MAML2: variants seen among roughly 807,000 people sequenced by gnomAD.
MAML2 encodes mastermind like transcriptional coactivator 2.
In MAML2, 22 loss-of-function variants were observed where a neutral mutation model predicts 96.1. The observed-to-expected ratio is 0.23, with a 90% CI of 0.16 to 0.33. MAML2 has a LOEUF of 0.33. Among genes scored for constraint, MAML2 ranks in the 10% least tolerant of loss-of-function variants. The pLI is 1.00. For synonymous variants in MAML2, 561 were observed against 521.3 expected (o/e 1.08, Z -1.04); for missense variants, 1,367 against 1,392.4 (o/e 0.98, Z 0.29).
intron 1 of MAML2, among the ~76,000 whole-genome samples, chr11:96,302,935 T>C (rs976178128): frequency 2.6e-5 from 4 of 152,226 alleles, no homozygotes; most frequent in Non-Finnish European, 2.9e-5. Flanking sequence ...TATTTAACCC[T>C]ACAGCGATTA....
chr11:96,056,144 T>C (rs1859063216), intron 2 of MAML2, among the ~76,000 whole-genome samples: 1 of 152,174 alleles, frequency 6.6e-6, no homozygotes, highest in Admixed American at 6.5e-5. Flanking sequence ...GGAACCAAAT[T>C]ACTTTTGGGT....
intron 1 of MAML2, among the ~76,000 whole-genome samples, chr11:96,260,579 G>T (rs1432522880): frequency 6.6e-6 from 1 of 152,146 alleles, no homozygotes; most frequent in Non-Finnish European, 1.5e-5. Flanking sequence ...CCTCCCTCCA[G>T]TCTGCCAATG....
intron 2 of MAML2, among the ~76,000 whole-genome samples, chr11:96,088,728 A>G (rs113336340): frequency 1.3e-5 from 2 of 152,180 alleles, no homozygotes; most frequent in African/African-American, 4.8e-5. Flanking sequence ...ATAAGGATTT[A>G]TTAAACAATT....
At chr11:96,198,807 C>A (rs1014495266) in intron 1 of MAML2, among the ~76,000 whole-genome samples, 1 of 152,094 alleles carries the variant, frequency 6.6e-6, no homozygotes, top group Non-Finnish European at 1.5e-5. Context: ...AAAATAAGGG[C>A]TACATTTTCC....
At chr11:96,328,289 C>T (rs772256978) in intron 1 of MAML2, among the ~76,000 whole-genome samples, 4 of 152,074 alleles carry the variant, frequency 2.6e-5, no homozygotes, top group Non-Finnish European at 1.5e-5. Context: ...AAGATATTTT[C>T]ACCTAAAATT....
chr11:96,010,356 T>A (rs1448412602), intron 2 of MAML2, among the ~76,000 whole-genome samples: 1 of 152,194 alleles, frequency 6.6e-6, no homozygotes, highest in Non-Finnish European at 1.5e-5. Context: ...GCAAATCTAC[T>A]AGAAGATACA....
At chr11:96,131,589 G>A (rs984735403) in intron 1 of MAML2, among the ~76,000 whole-genome samples, 15 of 152,328 alleles carry the variant, frequency 9.8e-5, no homozygotes, top group African/African-American at 3.6e-4. Context: ...GATAGATTCA[G>A]AAAGTATATT....
At chr11:96,116,396 T>C (rs1395246248) in intron 1 of MAML2, among the ~76,000 whole-genome samples, 1 of 152,162 alleles carries the variant, frequency 6.6e-6, no homozygotes, top group Non-Finnish European at 1.5e-5. Context: ...AGAAGGGCCA[T>C]ATTATAACAC....
chr11:96,054,588 G>C (rs1409299242), intron 2 of MAML2, among the ~76,000 whole-genome samples: 3 of 152,076 alleles, frequency 2.0e-5, no homozygotes, highest in Admixed American at 6.5e-5. Context: ...CCCTCAGAGA[G>C]AGAGAAAAAA....
intron 1 of MAML2, among the ~76,000 whole-genome samples, chr11:96,240,478 G>A (rs1862419224): frequency 7.0e-6 from 1 of 143,600 alleles, no homozygotes; most frequent in Non-Finnish European, 1.5e-5. Flanking sequence ...TGAACCCCGG[G>A]AGGCAGAGCT....
chr11:96,110,805 A>G (rs1860106844), intron 1 of MAML2, among the ~76,000 whole-genome samples: 1 of 152,228 alleles, frequency 6.6e-6, no homozygotes, highest in Non-Finnish European at 1.5e-5. Context: ...ATTTTCAGGA[A>G]ATCTGAGGAT....
chr11:96,180,972 C>A (rs904750825), intron 1 of MAML2, among the ~76,000 whole-genome samples: 1 of 146,234 alleles, frequency 6.8e-6, no homozygotes, highest in Non-Finnish European at 1.5e-5. Flanking sequence ...GAGTGGGGGT[C>A]GCAAGGTGCT....
chr11:96,031,381 A>G lies in MAML2; in HGVS notation c.2140-39658T>C, dbSNP rs1858612336. Among the ~76,000 whole-genome samples the G allele has an allele frequency of 2.0e-5, 3 of 152,136 alleles. No individual in the cohort carries two copies. The South Asian group carries it at 6.2e-4, about 32-fold the overall frequency. On this transcript the variant is annotated intron_variant, in intron 2 of 4. Transcript: ENST00000524717. ...TGTTTGTGTGTTTTCTCTCTTTGAC[A>G]AAACTGTAAATTAGTGTTTTCCAAA...
At chr11:96,083,906 G>A (rs1035739227) in intron 2 of MAML2, among the ~76,000 whole-genome samples, 1 of 152,170 alleles carries the variant, frequency 6.6e-6, no homozygotes, top group Non-Finnish European at 1.5e-5. Flanking sequence ...GACCATATAG[G>A]ATGGGAGCTA....
intron 1 of MAML2, among the ~76,000 whole-genome samples, chr11:96,170,151 C>A (rs1471962991): frequency 6.6e-6 from 1 of 152,172 alleles, no homozygotes; most frequent in Admixed American, 6.5e-5. Flanking sequence ...TGCTACAGTG[C>A]ACCTGCCCAG....
intron 1 of MAML2, among the ~76,000 whole-genome samples, chr11:96,171,925 C>G (rs1176433738): frequency 6.6e-6 from 1 of 152,194 alleles, no homozygotes; most frequent in South Asian, 2.1e-4. Context: ...GATGCTAACC[C>G]CTAAATCTGA....
intron 1 of MAML2, among the ~76,000 whole-genome samples, chr11:96,210,818 A>G (rs573326672): frequency 2.0e-5 from 3 of 152,340 alleles, no homozygotes; most frequent in Admixed American, 1.3e-4. Context: ...ATACTTTTAT[A>G]AAACCAATAT....
rs1464384602 is a variant in MAML2, at chr11:96,269,650, A to G, written c.513+71733T>C. On this transcript the variant is annotated intron_variant, in intron 1 of 4. Coordinates refer to ENST00000524717, the MANE Select transcript of MAML2 (RefSeq NM_032427.4). ...CTCAGCCTCCTGAGTAGCTGGGATT[A>G]CAGGTCCATGCCACTATACTCAGCT... 1.4e-5 allele frequency among the ~76,000 whole-genome samples: 2 copies of G among 143,956 alleles called. 1 individual carries two copies. Among genetic ancestry groups the G allele is most frequent in the African/African-American group, 5.4e-5 (2 of 37,344 alleles). 94.4% of individuals were successfully genotyped at this position (143,956 alleles called of 152,430 possible).
intron 1 of MAML2, among the ~76,000 whole-genome samples, chr11:96,200,758 T>C (rs1482768426): frequency 1.3e-5 from 2 of 151,938 alleles, no homozygotes; most frequent in African/African-American, 4.8e-5. Flanking sequence ...GGTGGAGAAA[T>C]GTTGAAATAG....
Sources: allele counts gnomAD v4.1 joint callset (sites outside exome capture counted in the v4.1 genomes callset), GRCh38; gene constraint gnomAD v4.1.1; transcripts MANE v1.5; gene names NCBI Gene and HGNC (gene_info 2026-07-23, HGNC 2026-07-21).